Variants in CREG2 observed in about 807,000 individuals in gnomAD.
CREG2 encodes cellular repressor of E1A stimulated genes 2, also known as protein CREG2.
Under a neutral mutation model 26.2 loss-of-function variants are expected in CREG2, and 24 were observed. That is an observed-to-expected ratio of 0.92 (90% CI 0.66 to 1.29). The LOEUF (loss-of-function observed/expected upper bound fraction) is 1.29, where lower values mean the gene tolerates loss of function less well. Among genes scored for constraint, CREG2 ranks in the 50% most tolerant of loss-of-function variants. The pLI is 0.00. For synonymous variants in CREG2, 174 were observed against 169.2 expected (o/e 1.03, Z -0.22); for missense variants, 366 against 398.6 (o/e 0.92, Z 0.70).
rs956106032 is a variant in CREG2, at chr2:101,382,622, A to G, written c.611+911T>C. 3.0e-4 allele frequency: 300 copies of G among 985,398 alleles called. 1 individual carries two copies. Among genetic ancestry groups the G allele is most frequent in the Middle Eastern group, 5.2e-4 (1 of 1,916 alleles). The allele number at this position is 985,398 out of a possible 1,614,324, so 61.0% of individuals were successfully genotyped here. On this transcript the variant is annotated intron_variant, in intron 2 of 3. Coordinates refer to ENST00000324768, the MANE Select transcript of CREG2 (RefSeq NM_153836.4). ...GTCTCCATGTGGTCTGTCGTGGCTGAGGGGAAACAATGGCTTATCCAGGAT... is the reference window on the plus strand; with the variant it reads ...GTCTCCATGTGGTCTGTCGTGGCTGGGGGGAAACAATGGCTTATCCAGGAT...
chr2:101,351,347 G>T (rs572464023), intron 3 of CREG2, among the ~76,000 whole-genome samples: 4 of 152,310 alleles, frequency 2.6e-5, no homozygotes, highest in East Asian at 3.9e-4. Context: ...ACGCCAGTGG[G>T]CTGTTGGCAC....
intron 2 of CREG2, among the ~76,000 whole-genome samples, chr2:101,367,172 T>C (rs991717941): frequency 2.0e-5 from 3 of 152,052 alleles, no homozygotes; most frequent in African/African-American, 7.3e-5. Flanking sequence ...TGTGATTCAA[T>C]AGACACTGGC....
At position 101,387,367 on chromosome 2, in the gene CREG2, CCG is replaced by C; in HGVS notation, c.89_90del (p.Ala30GlyfsTer26). On this transcript the variant is annotated frameshift_variant, in exon 1 of 4. Transcript: ENST00000324768. LOFTEE classifies it high-confidence loss of function. This position sits in a 1 kb window ranked among gnomAD's most constrained non-coding sequence, Gnocchi z 4.7. Reference protein sequence around the residue: ...LCCSALLSPAAGYVIVSSVSW... With the variant: ...LCCSALLSPAXGYVIVSSVSW... ...GACACGGAGCTCACGATCACGTAGCCCGCGGCCGGGGACAGCAGGGCGCTGCA... is the reference window on the plus strand; with the variant it reads ...GACACGGAGCTCACGATCACGTAGCCCGGCCGGGGACAGCAGGGCGCTGCA... 6.8e-7 allele frequency: 1 copy of C among 1,473,634 alleles called. No individual in the cohort carries two copies. The highest frequency in any genetic ancestry group is 9.1e-7 in the Non-Finnish European group (1 of 1,104,704). 91.3% of individuals were successfully genotyped at this position (1,473,634 alleles called of 1,614,324 possible). A position where few individuals can be genotyped will look rare whatever the true frequency, so the allele number is the denominator to read the frequency against.
rs542027737 is a variant in CREG2, at chr2:101,386,891, C to T, written c.441+126G>A. ...TATGTACAGTGTCGAGGGTCCCATCCAGGGCACCGGGCACGTCTGGTGGAC... is the reference window on the plus strand; with the variant it reads ...TATGTACAGTGTCGAGGGTCCCATCTAGGGCACCGGGCACGTCTGGTGGAC... On this transcript the variant is annotated intron_variant, in intron 1 of 3. Transcript: ENST00000324768. 2.2e-5 allele frequency: 22 copies of T among 1,004,186 alleles called. No homozygotes were observed. The South Asian group carries it at 9.2e-4, about 42-fold the overall frequency. The allele number at this position is 1,004,186 out of a possible 1,614,324, so 62.2% of individuals were successfully genotyped here. A position where few individuals can be genotyped will look rare whatever the true frequency, so the allele number is the denominator to read the frequency against.
At chr2:101,362,448 G>T (rs963536882) in intron 2 of CREG2, among the ~76,000 whole-genome samples, 4 of 152,172 alleles carry the variant, frequency 2.6e-5, no homozygotes, top group Non-Finnish European at 5.9e-5. Flanking sequence ...TCAACTGAAA[G>T]GTTGCTCACT....
intron 2 of CREG2, among the ~76,000 whole-genome samples, chr2:101,360,398 T>C (rs1393688138): frequency 6.6e-6 from 1 of 152,112 alleles, no homozygotes; most frequent in Non-Finnish European, 1.5e-5. Context: ...AGTGACTCAT[T>C]TTGGTTATCA....
rs1684332304 is a variant in CREG2 at position 101,348,379 on chromosome 2, G to C, written c.*2544C>G. 2.0e-5 allele frequency: 3 copies of C among 152,188 alleles called. 1 individual carries two copies. Among genetic ancestry groups the C allele is most frequent in the Non-Finnish European group, 4.4e-5 (3 of 68,034 alleles). The allele number at this position is 152,188 out of a possible 1,614,324, so 9.4% of individuals were successfully genotyped here. A position where few individuals can be genotyped will look rare whatever the true frequency, so the allele number is the denominator to read the frequency against. The stretch of plus-strand genomic sequence containing the variant: ...AGGAATTGCATTAAACCTAGAGATG[G>C]AGATGGGGAGAACTGATATCTTTAC... On this transcript the variant is annotated 3_prime_UTR_variant, in exon 4 of 4. Coordinates refer to ENST00000324768, the MANE Select transcript of CREG2 (RefSeq NM_153836.4).
intron 2 of CREG2, among the ~76,000 whole-genome samples, chr2:101,360,902 A>T (rs945931487): frequency 3.3e-5 from 5 of 152,204 alleles, no homozygotes; most frequent in Non-Finnish European, 7.3e-5. Context: ...AATAACTGAG[A>T]CGCATAGGAG....
chr2:101,385,901 G>A (rs1684960758), intron 1 of CREG2, among the ~76,000 whole-genome samples: 1 of 152,154 alleles, frequency 6.6e-6, no homozygotes, highest in Non-Finnish European at 1.5e-5. Flanking sequence ...TAATACATTG[G>A]CACGAGACTA....
At chr2:101,355,852 G>C (rs558050183) in intron 2 of CREG2, among the ~76,000 whole-genome samples, 1 of 152,254 alleles carries the variant, frequency 6.6e-6, no homozygotes, top group Admixed American at 6.5e-5. Flanking sequence ...GAGTCCCAGA[G>C]GGCATGTATT....
At chr2:101,358,192 A>G (rs1359683509) in intron 2 of CREG2, among the ~76,000 whole-genome samples, 1 of 152,048 alleles carries the variant, frequency 6.6e-6, no homozygotes, top group East Asian at 1.9e-4. Flanking sequence ...TGGTTTCACC[A>G]TGTTGGCCAG....
intron 2 of CREG2, among the ~76,000 whole-genome samples, chr2:101,355,620 C>A (rs902160825): frequency 6.6e-6 from 1 of 151,814 alleles, no homozygotes; most frequent in Admixed American, 6.6e-5. Flanking sequence ...TCTGAAGCGC[C>A]CTAGGCAAAA....
At chr2:101,366,903 G>T (rs1000233492) in intron 2 of CREG2, among the ~76,000 whole-genome samples, 1 of 152,060 alleles carries the variant, frequency 6.6e-6, no homozygotes, top group Non-Finnish European at 1.5e-5. Context: ...AATTGTACTA[G>T]GTATTATAAG....
chr2:101,372,437 G>C (rs978117752), intron 2 of CREG2, among the ~76,000 whole-genome samples: 1 of 152,146 alleles, frequency 6.6e-6, no homozygotes, highest in African/African-American at 2.4e-5. Context: ...TATACGTTTG[G>C]AGTAACAGCT....
rs575884191 is a variant in CREG2 at position 101,385,335 on chromosome 2, C to G, written c.442-1633G>C. 2.6e-5 allele frequency among the ~76,000 whole-genome samples: 4 copies of G among 152,214 alleles called. No homozygotes were observed. The East Asian group carries it at 7.7e-4, about 29-fold the overall frequency. Reference sequence around the variant, plus strand: ...TTGCTGGGATTACAGGTGCATGCCACCATGCCTGGCTATTTTTGTATTTTT... The same window carrying G: ...TTGCTGGGATTACAGGTGCATGCCAGCATGCCTGGCTATTTTTGTATTTTT... On this transcript the variant is annotated intron_variant, in intron 1 of 3. Coordinates refer to ENST00000324768, the MANE Select transcript of CREG2 (RefSeq NM_153836.4).
At chr2:101,353,088 C>A (rs1684407121) in intron 3 of CREG2, among the ~76,000 whole-genome samples, 1 of 152,222 alleles carries the variant, frequency 6.6e-6, no homozygotes, top group Non-Finnish European at 1.5e-5. Context: ...CTTTCACCCA[C>A]TTTTTGATGG....
chr2:101,372,750 A>G (rs1180580523), intron 2 of CREG2, among the ~76,000 whole-genome samples: 1 of 152,206 alleles, frequency 6.6e-6, no homozygotes, highest in African/African-American at 2.4e-5. Context: ...ATATATCTAA[A>G]AAGGTTCATA....
At chr2:101,382,263 C>T (rs1684887010) in intron 2 of CREG2, 1 of 154,078 alleles carries the variant, frequency 6.5e-6, no homozygotes, top group African/African-American at 2.4e-5. Flanking sequence ...ACTAAAAATA[C>T]AAAAATTAGC....
At chr2:101,358,754 G>GAGAGTTTATTAAAAAGTTTTA (rs1421898705) in intron 2 of CREG2, among the ~76,000 whole-genome samples, 16 of 19,534 alleles carry the variant, frequency 8.2e-4, no homozygotes, top group East Asian at 8.1e-3. Context: ...GAACTGAGGT[G>GAGAGTTTATTAAAAAGTTTTA]GCCGGGCGCG....
Sources: allele counts gnomAD v4.1 joint callset (sites outside exome capture counted in the v4.1 genomes callset), GRCh38; gene constraint gnomAD v4.1.1; non-coding constraint Gnocchi (gnomAD v3.1); transcripts MANE v1.5; gene names NCBI Gene and HGNC (gene_info 2026-07-23, HGNC 2026-07-21).